DYM: variants seen among roughly 807,000 people sequenced by gnomAD.
DYM encodes dyggve-Melchior-Clausen syndrome protein.
DYM carries 78 observed loss-of-function variants against 93.1 expected under a neutral mutation model. The observed-to-expected ratio is 0.84, with a 90% CI of 0.70 to 1.01. The LOEUF is 1.01. DYM is among the 50% of genes least tolerant of loss of function. The probability of loss-of-function intolerance (pLI) is 0.00; values close to 1 mark genes in which losing one functional copy is unlikely to be tolerated. For synonymous variants in DYM, 321 were observed against 319.7 expected, an observed-to-expected ratio of 1.00 and a Z score of -0.04; for missense variants, 789 against 845.0, an observed-to-expected ratio of 0.93 and a Z score of 0.82.
intron 17 of DYM, among the ~76,000 whole-genome samples, chr18:49,079,343 G>A (rs2077584161): frequency 6.6e-6 from 1 of 151,920 alleles, no homozygotes; most frequent in Non-Finnish European, 1.5e-5. Context: ...TGGATGTCGG[G>A]ACATTTTGGG....
chr18:49,217,972 C>T (rs1054239059), intron 13 of DYM, among the ~76,000 whole-genome samples: 10 of 152,164 alleles, frequency 6.6e-5, no homozygotes, highest in East Asian at 5.8e-4. Flanking sequence ...ATTGGATAAA[C>T]GGTCAAGACC....
chr18:49,403,655 T>A (rs1256230991), intron 2 of DYM, among the ~76,000 whole-genome samples: 1 of 152,182 alleles, frequency 6.6e-6, no homozygotes, highest in Non-Finnish European at 1.5e-5. Flanking sequence ...GTATATTGCA[T>A]GATGCTGAGA....
At chr18:49,457,515 GAAAAA>G (rs2083087929) in intron 1 of DYM, among the ~76,000 whole-genome samples, 3 of 152,052 alleles carry the variant, frequency 2.0e-5, no homozygotes, top group African/African-American at 7.2e-5. Flanking sequence ...TCACTAAAAG[GAAAAA>G]TGAACAGTCT....
At chr18:49,053,965 C>T (rs754610589) in intron 17 of DYM, among the ~76,000 whole-genome samples, 4 of 152,068 alleles carry the variant, frequency 2.6e-5, no homozygotes, top group African/African-American at 4.8e-5. Flanking sequence ...GTGGTGCTCC[C>T]GGACGATGCT....
intron 13 of DYM, among the ~76,000 whole-genome samples, chr18:49,232,672 G>C (rs1379890265): frequency 2.1e-5 from 3 of 145,058 alleles, no homozygotes; most frequent in Non-Finnish European, 3.0e-5. Flanking sequence ...GCAGTGGCGA[G>C]ATCTCGGCTC....
At chr18:49,294,506 C>T (rs1290259953) in intron 8 of DYM, among the ~76,000 whole-genome samples, 1 of 151,834 alleles carries the variant, frequency 6.6e-6, no homozygotes, top group Non-Finnish European at 1.5e-5. Context: ...CAGTGGTTGA[C>T]AATTCAAGTT....
chr18:49,092,936 T>C (rs2079184923), intron 17 of DYM, among the ~76,000 whole-genome samples: 1 of 152,130 alleles, frequency 6.6e-6, no homozygotes, highest in Admixed American at 6.5e-5. Context: ...AGTCCCTCCT[T>C]TAATGTTCTG....
chr18:49,209,370 C>T lies in DYM; in HGVS notation c.1625+181G>A, dbSNP rs1163024551. ...CTCCCGTGAAACATAATATAAATTACTTAAGAAGACATTTGTAAGGAAACA... is the reference window on the plus strand; with the variant it reads ...CTCCCGTGAAACATAATATAAATTATTTAAGAAGACATTTGTAAGGAAACA... On this transcript the variant is annotated intron_variant, in intron 14 of 17. Transcript: ENST00000675505. 2.0e-5 allele frequency among the ~76,000 whole-genome samples: 3 copies of T among 152,168 alleles called. No individual in the cohort carries two copies. In the East Asian group the frequency reaches 5.8e-4, roughly 29 times the overall value.
chr18:49,298,597 A>AT (rs58783474), intron 8 of DYM, among the ~76,000 whole-genome samples: 2 of 151,242 alleles, frequency 1.3e-5, no homozygotes, highest in Non-Finnish European at 2.9e-5. Context: ...AAAAAAAAAA[A>AT]TTCTGTCAGA....
At chr18:49,216,992 G>C (rs540111011) in intron 13 of DYM, among the ~76,000 whole-genome samples, 2 of 152,164 alleles carry the variant, frequency 1.3e-5, no homozygotes, top group East Asian at 1.9e-4. Context: ...AGGCAAAGAA[G>C]TTAAATACTT....
At chr18:49,086,192 T>C (rs2078507983) in intron 17 of DYM, among the ~76,000 whole-genome samples, 1 of 152,186 alleles carries the variant, frequency 6.6e-6, no homozygotes, top group South Asian at 2.1e-4. Flanking sequence ...AAGAAAGGAA[T>C]TTCTTCCAGA....
chr18:49,359,443 C>G (rs1436527332), intron 6 of DYM, among the ~76,000 whole-genome samples: 2 of 152,296 alleles, frequency 1.3e-5, no homozygotes, highest in African/African-American at 4.8e-5. Flanking sequence ...GTCTGAGAAA[C>G]AGTAGCCACT....
intron 17 of DYM, among the ~76,000 whole-genome samples, chr18:49,060,495 G>A (rs1458531213): frequency 1.3e-5 from 2 of 151,382 alleles, no homozygotes; most frequent in Non-Finnish European, 2.9e-5. Context: ...CTGGACATGG[G>A]TTTGGATAGT....
At chr18:49,334,090 C>T (rs1211875594) in intron 6 of DYM, among the ~76,000 whole-genome samples, 1 of 152,120 alleles carries the variant, frequency 6.6e-6, no homozygotes, top group Non-Finnish European at 1.5e-5. Flanking sequence ...TTCCAGTTTC[C>T]ATCTCCTATT....
At chr18:49,413,723 T>C (rs1339214319) in intron 2 of DYM, among the ~76,000 whole-genome samples, 2 of 152,166 alleles carry the variant, frequency 1.3e-5, no homozygotes, top group Non-Finnish European at 2.9e-5. Flanking sequence ...GAAGGCATTA[T>C]ACTAGGCCAG....
At chr18:49,084,112 T>C (rs1228416006) in intron 17 of DYM, among the ~76,000 whole-genome samples, 2 of 152,176 alleles carry the variant, frequency 1.3e-5, no homozygotes, top group African/African-American at 4.8e-5. Flanking sequence ...AATGTAGGAT[T>C]TAAAGTTATA....
At chr18:49,365,157 C>CAA (rs35363196) in intron 5 of DYM, among the ~76,000 whole-genome samples, 3 of 144,282 alleles carry the variant, frequency 2.1e-5, no homozygotes, top group African/African-American at 5.1e-5. Flanking sequence ...CTTGGAGTCT[C>CAA]AAAAAAAAAA....
chr18:49,049,042 G>A (rs906894562), intron 17 of DYM, among the ~76,000 whole-genome samples: 3 of 152,072 alleles, frequency 2.0e-5, no homozygotes, highest in African/African-American at 4.8e-5. Flanking sequence ...ACACAAAAAT[G>A]GTATAAAATA....
chr18:49,271,684 A>AT (rs1303684931), intron 11 of DYM, among the ~76,000 whole-genome samples: 1 of 151,850 alleles, frequency 6.6e-6, no homozygotes, highest in Non-Finnish European at 1.5e-5. Flanking sequence ...AAAATAAAAT[A>AT]AAAAAATGCC....
Sources: gnomAD v4.1 joint callset for allele counts (sites outside exome capture counted in the v4.1 genomes callset) on GRCh38, gnomAD v4.1.1 for gene constraint, MANE v1.5 for transcripts, NCBI Gene and HGNC (gene_info 2026-07-23, HGNC 2026-07-21) for gene names.